CAMK4: variants seen among roughly 807,000 people sequenced by gnomAD.
CAMK4 encodes calcium/calmodulin-dependent protein kinase type IV.
CAMK4 carries 22 observed loss-of-function variants against 44.9 expected under a neutral mutation model. The observed-to-expected ratio is 0.49, with a 90% CI of 0.35 to 0.70. CAMK4 has a LOEUF of 0.70. CAMK4 is among the 30% of genes least tolerant of loss of function. The pLI is 0.01. For synonymous variants in CAMK4, 218 were observed against 215.4 expected, an observed-to-expected ratio of 1.01 and a Z score of -0.11; for missense variants, 498 against 586.8, an observed-to-expected ratio of 0.85 and a Z score of 1.56.
intron 2 of CAMK4, among the ~76,000 whole-genome samples, chr5:111,350,024 A>T (rs1750026514): frequency 6.6e-6 from 1 of 151,960 alleles, no homozygotes; most frequent in Admixed American, 6.6e-5. Flanking sequence ...AAAAATTGCT[A>T]TGTAGTAGTG....
Position 111,312,472 on chromosome 5 carries a change from G to C in CAMK4, c.162-31552G>C, listed in dbSNP as rs189945835. ...AGTATAACACAATGCCTGGCTGTGA[G>C]TAACTGGGTAGTAGGTGTCAGTTAT... On this transcript the variant is annotated intron_variant, in intron 1 of 10. Transcript: ENST00000282356. Among the ~76,000 whole-genome samples, 395 of 152,280 alleles carry C rather than the reference G, an allele frequency of 2.6e-3. 8 individuals carry two copies. The highest frequency in any genetic ancestry group is 9.2e-3 in the African/African-American group (381 of 41,578).
At chr5:111,406,218 C>CTT in intron 5 of CAMK4, among the ~76,000 whole-genome samples, 1 of 150,290 alleles carries the variant, frequency 6.7e-6, no homozygotes, top group Non-Finnish European at 1.5e-5. Context: ...CTCTCTCTCT[C>CTT]TCTCTCGTTT....
At chr5:111,430,182 T>G (rs1247517631) in intron 5 of CAMK4, among the ~76,000 whole-genome samples, 1 of 152,220 alleles carries the variant, frequency 6.6e-6, no homozygotes, top group Non-Finnish European at 1.5e-5. Flanking sequence ...TCAATCAATG[T>G]GACATGTCAT....
chr5:111,384,695 T>G (rs1751536217), intron 4 of CAMK4, among the ~76,000 whole-genome samples: 1 of 152,184 alleles, frequency 6.6e-6, no homozygotes, highest in African/African-American at 2.4e-5. Flanking sequence ...CTGAGCAGCT[T>G]TGAAATCTGT....
intron 1 of CAMK4, among the ~76,000 whole-genome samples, chr5:111,335,792 T>C (rs555256845): frequency 6.6e-6 from 1 of 151,490 alleles, no homozygotes; most frequent in South Asian, 2.1e-4. Context: ...GGATATAATA[T>C]ATATTTTGTA....
At chr5:111,353,146 A>G (rs1304004963) in intron 2 of CAMK4, among the ~76,000 whole-genome samples, 1 of 152,104 alleles carries the variant, frequency 6.6e-6, no homozygotes, top group African/African-American at 2.4e-5. Flanking sequence ...GGTAATAACT[A>G]CAATATATTG....
intron 5 of CAMK4, among the ~76,000 whole-genome samples, chr5:111,436,481 A>T (rs966248054): frequency 6.6e-6 from 1 of 152,120 alleles, no homozygotes; most frequent in Admixed American, 6.6e-5. Flanking sequence ...TTCCCCTATG[A>T]CATTGCCATC....
At chr5:111,289,103 T>G (rs1751346663) in intron 1 of CAMK4, among the ~76,000 whole-genome samples, 1 of 152,114 alleles carries the variant, frequency 6.6e-6, no homozygotes, top group Non-Finnish European at 1.5e-5. Context: ...TCCCAGCACT[T>G]TGGGAGGCTG....
At chr5:111,294,848 T>C (rs908345788) in intron 1 of CAMK4, among the ~76,000 whole-genome samples, 4 of 152,178 alleles carry the variant, frequency 2.6e-5, no homozygotes, top group Non-Finnish European at 5.9e-5. Context: ...GCTATTATTA[T>C]CATGAATGAT....
chr5:111,333,206 G>A (rs1269554582), intron 1 of CAMK4, among the ~76,000 whole-genome samples: 3 of 151,516 alleles, frequency 2.0e-5, no homozygotes, highest in African/African-American at 4.8e-5. Flanking sequence ...AGAGGACTGG[G>A]AATGGAGGAT....
At chr5:111,330,473 C>CT (rs537566459) in intron 1 of CAMK4, among the ~76,000 whole-genome samples, 212 of 139,704 alleles carry the variant, frequency 1.5e-3, no homozygotes, top group African/African-American at 5.8e-3. Context: ...CTTTGTTTTT[C>CT]TTTTTTTGTT....
chr5:111,318,443 T>C (rs1332809456), intron 1 of CAMK4, among the ~76,000 whole-genome samples: 1 of 152,190 alleles, frequency 6.6e-6, no homozygotes, highest in Non-Finnish European at 1.5e-5. Context: ...TGCCATAGCA[T>C]AGCCATGTGG....
chr5:111,329,556 T>G (rs747482244), intron 1 of CAMK4, among the ~76,000 whole-genome samples: 5 of 151,872 alleles, frequency 3.3e-5, no homozygotes, highest in Non-Finnish European at 7.4e-5. Flanking sequence ...CCCTCATGGT[T>G]TTATTTTTGC....
At chr5:111,253,273 C>G (rs1749598794) in intron 1 of CAMK4, among the ~76,000 whole-genome samples, 1 of 152,210 alleles carries the variant, frequency 6.6e-6, no homozygotes. Context: ...CCTTCGGGTT[C>G]TGGCAGCTGC....
chr5:111,401,427 A>G (rs377190333), intron 5 of CAMK4, among the ~76,000 whole-genome samples: 1 of 152,218 alleles, frequency 6.6e-6, no homozygotes, highest in East Asian at 1.9e-4. Flanking sequence ...GTTGTATAAC[A>G]TAGCTTTTTG....
intron 1 of CAMK4, among the ~76,000 whole-genome samples, chr5:111,299,517 G>A (rs1325504223): frequency 6.6e-6 from 1 of 152,130 alleles, no homozygotes; most frequent in Non-Finnish European, 1.5e-5. Context: ...AGACAGAAAA[G>A]AAGGCAAAGC....
chr5:111,333,576 T>G (rs1258760156), intron 1 of CAMK4, among the ~76,000 whole-genome samples: 1 of 151,634 alleles, frequency 6.6e-6, no homozygotes, highest in Non-Finnish European at 1.5e-5. Context: ...TTCCAGAGCT[T>G]CTTACGCTTT....
In CAMK4 at chr5:111,482,994, C is replaced by A; in HGVS notation, c.981+57C>A. ...TTTGTTTTCAAAAAATTTATCTCATCTTGATCTATCAATAATAGTTCTACC... is the reference window on the plus strand; with the variant it reads ...TTTGTTTTCAAAAAATTTATCTCATATTGATCTATCAATAATAGTTCTACC... On this transcript the variant is annotated intron_variant, in intron 10 of 10. Transcript: ENST00000282356. The surrounding 1 kb of genome is among the most constrained non-coding windows in gnomAD (Gnocchi z 4.9). 7.1e-7 allele frequency: 1 copy of A among 1,406,716 alleles called. No individual in the cohort carries two copies. The highest frequency in any genetic ancestry group is 9.7e-7 in the Non-Finnish European group (1 of 1,034,992). The allele number at this position is 1,406,716 out of a possible 1,614,324, so 87.1% of individuals were successfully genotyped here.
intron 2 of CAMK4, among the ~76,000 whole-genome samples, chr5:111,355,558 T>G (rs1253610856): frequency 2.0e-5 from 3 of 151,008 alleles, no homozygotes; most frequent in African/African-American, 4.9e-5. Context: ...ATGTGCAGGT[T>G]AGTTACATAT....
Sources: allele counts gnomAD v4.1 joint callset (sites outside exome capture counted in the v4.1 genomes callset), GRCh38; gene constraint gnomAD v4.1.1; non-coding constraint Gnocchi (gnomAD v3.1); transcripts MANE v1.5; gene names NCBI Gene and HGNC (gene_info 2026-07-23, HGNC 2026-07-21).